Variants in PLXNA1 observed in about 807,000 individuals in gnomAD.
PLXNA1 encodes plexin-A1.
A neutral mutation model predicts 191.7 loss-of-function variants in PLXNA1; 77 were observed. The observed-to-expected ratio is 0.40, with a 90% CI of 0.33 to 0.49. The LOEUF (loss-of-function observed/expected upper bound fraction) is 0.49, where lower values mean the gene tolerates loss of function less well. PLXNA1 is among the 20% of genes least tolerant of loss of function. PLXNA1 has a pLI of 0.63. For missense variants in PLXNA1, 2,110 were observed against 2,660.2 expected (o/e 0.79, Z 4.55); for synonymous variants, 1,137 against 1,156.4 (o/e 0.98, Z 0.34).
intron 3 of PLXNA1, among the ~76,000 whole-genome samples, chr3:126,995,097 C>T (rs759616751): frequency 6.6e-5 from 10 of 152,164 alleles, no homozygotes; most frequent in Admixed American, 3.3e-4. Context: ...TGGCTGGCCC[C>T]GGGCCAGTTC....
intron 9 of PLXNA1, among the ~76,000 whole-genome samples, chr3:127,011,551 C>G (rs758024821): frequency 1.3e-5 from 2 of 152,196 alleles, no homozygotes; most frequent in African/African-American, 2.4e-5. Context: ...TTATTGTTGC[C>G]GAAATGCTGG....
chr3:126,991,708 T>C (rs1345668499), intron 3 of PLXNA1, 142 bp downstream of exon 3: 2 of 926,650 alleles, frequency 2.2e-6, no homozygotes, highest in Admixed American at 3.2e-5. Context: ...AATGTTGCCC[T>C]ACACTAGGCC....
At position 126,989,589 on chromosome 3, in the gene PLXNA1, G is replaced by T; in HGVS notation, c.996G>T (p.Glu332Asp). ...RALAHQLGLA[E>D]DEDVLFTVFA... ...TGGCCCACCAGCTGGGCCTGGCTGA[G>T]GACGAGGACGTGCTGTTCACTGTGT... The change falls in exon 2 of 32, where the codon GAG (glutamate) becomes GAT (aspartate). Residue 332 changes from glutamate to aspartate, a missense_variant. Coordinates refer to ENST00000393409, the MANE Select transcript of PLXNA1 (RefSeq NM_032242.4). 6.2e-7 allele frequency: 1 copy of T among 1,613,258 alleles called. No homozygotes were observed. Among genetic ancestry groups the T allele is most frequent in the South Asian group, 1.1e-5 (1 of 91,086 alleles).
At chr3:127,009,664 C>T (rs1168698301) in intron 9 of PLXNA1, among the ~76,000 whole-genome samples, 1 of 151,380 alleles carries the variant, frequency 6.6e-6, no homozygotes, top group Non-Finnish European at 1.5e-5. Flanking sequence ...GACAGCCGGG[C>T]CTAACCCCCA....
In PLXNA1 at chr3:127,022,808, A is replaced by G; in HGVS notation, c.4352A>G (p.Lys1451Arg). 1 of 1,613,978 alleles carries G rather than the reference A, an allele frequency of 6.2e-7. No individual in the cohort carries two copies. The highest frequency in any genetic ancestry group is 1.1e-5 in the South Asian group (1 of 91,074). The part of the protein sequence containing the change: ...LTNWFTFLLY[K>R]FLKECAGEPL... The stretch of plus-strand genomic sequence containing the variant: ...AACTGGTTCACCTTCCTCTTGTATA[A>G]GTTCCTCAAGGTAAGCAGAGGCGGG... Residue 1451 changes from lysine to arginine, a missense_variant, in exon 23 of 32, where the codon AAG (lysine) becomes AGG (arginine). Around this residue, in one of 4 missense-constraint regions of PLXNA1, gnomAD observed 559 missense variants for 911.5 expected, o/e 0.61. Coordinates refer to ENST00000393409, the MANE Select transcript of PLXNA1 (RefSeq NM_032242.4).
At chr3:127,014,852 C>G in intron 14 of PLXNA1, 21 bp downstream of exon 14, 1 of 1,608,482 alleles carries the variant, frequency 6.2e-7, no homozygotes, top group Non-Finnish European at 8.5e-7. Flanking sequence ...TGCCCTCCCT[C>G]TCTCCCTATT....
intron 3 of PLXNA1, 97 bp downstream of exon 3, chr3:126,991,663 TG>T: frequency 2.3e-6 from 3 of 1,301,290 alleles, no homozygotes; most frequent in Non-Finnish European, 3.1e-6. Flanking sequence ...CTGTATGCTG[TG>T]GGAGGCTAGA....
intron 23 of PLXNA1, among the ~76,000 whole-genome samples, chr3:127,026,076 T>G (rs1011344587): frequency 6.6e-6 from 1 of 152,198 alleles, no homozygotes; most frequent in African/African-American, 2.4e-5. Context: ...GTTGGGCAGT[T>G]TTTGCACATT....
At position 127,032,692 on chromosome 3, in the gene PLXNA1, T is replaced by A; in HGVS notation, c.5451T>A (p.Tyr1817Ter). The A allele has an allele frequency of 6.2e-7, 1 of 1,613,268 alleles. No individual in the cohort carries two copies. Among genetic ancestry groups the A allele is most frequent in the Non-Finnish European group, 8.5e-7 (1 of 1,179,982 alleles). Residue 1817 changes from tyrosine to a stop codon, truncating the protein, a stop_gained, in exon 31 of 32, where the codon TAT becomes TAA. Transcript: ENST00000393409. LOFTEE classifies it high-confidence loss of function. ...CCTGGCCACTCACCTGCAGGTACTA[T>A]GCAGACATCGCCAAGATGCCAGCCA... is the stretch of plus-strand genomic sequence containing the variant. ...PNYKSWVERYYADIAKMPAIS... is the reference protein window; with the variant it reads ...PNYKSWVERY
At chr3:127,023,935 G>A (rs183334591) in intron 23 of PLXNA1, among the ~76,000 whole-genome samples, 1 of 152,124 alleles carries the variant, frequency 6.6e-6, no homozygotes, top group African/African-American at 2.4e-5. Flanking sequence ...GTCTGTCCTG[G>A]GTCGTCTCTG....
At chr3:127,018,553 G>A in intron 20 of PLXNA1, 25 bp downstream of exon 20, 3 of 1,572,858 alleles carry the variant, frequency 1.9e-6, no homozygotes, top group Non-Finnish European at 2.6e-6. Context: ...GGGCTCACTG[G>A]GGCAACTGCC....
At chr3:127,003,097 T>G (rs2079048479) in intron 3 of PLXNA1, among the ~76,000 whole-genome samples, 1 of 151,310 alleles carries the variant, frequency 6.6e-6, no homozygotes, top group Admixed American at 6.5e-5. Flanking sequence ...TTAAAGGGGC[T>G]GAATCACAGA....
rs759565246 is a variant in PLXNA1, at chr3:126,988,624, C to T, written c.31C>T (p.Leu11Phe). The T allele has an allele frequency of 1.5e-5, 24 of 1,569,060 alleles. No homozygotes were observed. The African/African-American group carries it at 3.0e-4, about 19-fold the overall frequency. MPLPPRSLQVLLLLLLLLLLL... is the reference protein window; with the variant it reads MPLPPRSLQVFLLLLLLLLLL... ...GCTGCCACCGCGGAGCCTGCAGGTG[C>T]TCCTGCTGCTGCTGCTGTTGCTGCT... is the stretch of plus-strand genomic sequence containing the variant. Residue 11 changes from leucine (L) to phenylalanine (F), a missense_variant, in exon 2 of 32, where the codon CTC becomes TTC. This residue lies in a region of PLXNA1 where 903 missense variants were observed against 1,015.7 expected (regional missense o/e 0.89). Transcript: ENST00000393409.
At chr3:127,028,710 TC>T in intron 25 of PLXNA1, 1 of 539,470 alleles carries the variant, frequency 1.9e-6, no homozygotes, top group Non-Finnish European at 3.3e-6. Context: ...AGAGGCTGGG[TC>T]CCCACAGAAG....
At position 127,031,867 on chromosome 3, in the gene PLXNA1, G is replaced by A. The variant is rs142920548; in HGVS notation, c.5232-520G>A. 5.3e-3 allele frequency: 881 copies of A among 166,316 alleles called. 9 individuals are homozygous for A. Among genetic ancestry groups the A allele is most frequent in the African/African-American group, 0.02 (822 of 41,704 alleles). The allele number at this position is 166,316 out of a possible 1,614,324, so 10.3% of individuals were successfully genotyped here. On this transcript the variant is annotated intron_variant, in intron 29 of 31. Coordinates refer to ENST00000393409, the MANE Select transcript of PLXNA1 (RefSeq NM_032242.4). ...CTCCTGAGCCTTTGAAATGGCACTG[G>A]TGTGGCTGAGTGTCTGGGCTCTTCA...
Position 126,989,613 on chromosome 3 carries a change from G to A in PLXNA1, c.1020G>A (p.Val340=), listed in dbSNP as rs201370105. 47 of 1,613,056 alleles carry A rather than the reference G, an allele frequency of 2.9e-5. 1 individual carries two copies. In the Middle Eastern group the frequency reaches 6.6e-4, roughly 23 times the overall value. Residue 340 remains valine, a synonymous_variant, in exon 2 of 32, where the codon GTG becomes GTA. Transcript: ENST00000393409. Reference sequence around the variant, plus strand: ...AGGACGAGGACGTGCTGTTCACTGTGTTCGCCCAGGGCCAGAAGAACCGCG... The same window carrying A: ...AGGACGAGGACGTGCTGTTCACTGTATTCGCCCAGGGCCAGAAGAACCGCG... ...LAEDEDVLFT[V]FAQGQKNRVK...
In PLXNA1 at chr3:127,014,271, G is replaced by T; in HGVS notation, c.2500G>T (p.Glu834Ter). ...PRFECGWCVAERRCSLRHHCA... is the reference protein window; with the variant it reads ...PRFECGWCVA ...CTTCGAGTGCGGATGGTGCGTGGCC[G>T]AGCGCCGCTGCTCCCTGCGACACCA... is the stretch of plus-strand genomic sequence containing the variant. The change falls in exon 12 of 32, where the codon GAG becomes TAG. Residue 834 changes from glutamate (E) to a stop codon, truncating the protein, a stop_gained. Transcript: ENST00000393409. LOFTEE classifies it high-confidence loss of function. 1 of 1,595,632 alleles carries T rather than the reference G, an allele frequency of 6.3e-7. No individual in the cohort carries two copies. The highest frequency in any genetic ancestry group is 8.5e-7 in the Non-Finnish European group (1 of 1,173,740).
intron 3 of PLXNA1, among the ~76,000 whole-genome samples, chr3:126,994,748 C>A (rs982560823): frequency 6.6e-6 from 1 of 152,140 alleles, no homozygotes; most frequent in African/African-American, 2.4e-5. Flanking sequence ...GGCTGTGGTC[C>A]AGGGTCCAGA....
chr3:127,006,265 G>T, intron 8 of PLXNA1, 87 bp downstream of exon 8: 1 of 1,019,996 alleles, frequency 9.8e-7, no homozygotes, highest in Non-Finnish European at 1.5e-6. Context: ...CTTGCTGTCT[G>T]CAGACCTGTC....
Sources: gnomAD v4.1 joint callset for allele counts (sites outside exome capture counted in the v4.1 genomes callset) on GRCh38, gnomAD v4.1.1 for gene constraint, gnomAD v4.1.1 regional missense constraint, MANE v1.5 for transcripts, NCBI Gene and HGNC (gene_info 2026-07-23, HGNC 2026-07-21) for gene names.